The following GLIS1 variants were observed in gnomAD, a reference collection of about 807,000 sequenced individuals.
GLIS1 encodes the protein GLIS family zinc finger 1.
Under a neutral mutation model 63.8 loss-of-function variants are expected in GLIS1, and 24 were observed. That is an observed-to-expected ratio of 0.38 (90% CI 0.27 to 0.53). The LOEUF is 0.53. GLIS1 is among the 20% of genes least tolerant of loss of function. The probability of loss-of-function intolerance (pLI) is 0.85; values close to 1 mark genes in which losing one functional copy is unlikely to be tolerated. For synonymous variants in GLIS1, 450 were observed against 482.5 expected, an observed-to-expected ratio of 0.93 and a Z score of 0.88; for missense variants, 1,036 against 1,074.1, an observed-to-expected ratio of 0.96 and a Z score of 0.50.
chr1:53,596,770 G>A (rs1645259630), intron 3 of GLIS1, among the ~76,000 whole-genome samples: 1 of 152,122 alleles, frequency 6.6e-6, no homozygotes, highest in Non-Finnish European at 1.5e-5. Context: ...GAAGGGACAG[G>A]GCTCCCTGGA....
At chr1:53,530,077 A>G in intron 4 of GLIS1, 125 bp from the exon 5 acceptor site, 1 of 848,188 alleles carries the variant, frequency 1.2e-6, no homozygotes, top group Non-Finnish European at 1.8e-6. Context: ...GGAGCCTCTG[A>G]GAGCTCTGGA....
Position 53,506,520 on chromosome 1 carries a change from G to A in GLIS1, c.*99C>T. The A allele has an allele frequency of 7.7e-7, 1 of 1,293,750 alleles. No individual in the cohort carries two copies. The highest frequency in any genetic ancestry group is 1.3e-5 in the South Asian group (1 of 75,494). 80.1% of individuals were successfully genotyped at this position (1,293,750 alleles called of 1,614,324 possible). The stretch of plus-strand genomic sequence containing the variant: ...TCATGGCCTGGCTGTTCCGGCTGTG[G>A]CCTGGCACTCCTGCTAGGTGCACGG... On this transcript the variant is annotated 3_prime_UTR_variant, in exon 11 of 11. Coordinates refer to ENST00000628545, the MANE Select transcript of GLIS1 (RefSeq NM_001367484.1).
intron 4 of GLIS1, among the ~76,000 whole-genome samples, chr1:53,593,606 G>C (rs570493733): frequency 6.6e-6 from 1 of 152,174 alleles, no homozygotes; most frequent in Non-Finnish European, 1.5e-5. Context: ...CTCTCGAGCC[G>C]GGTGCCTGTT....
At chr1:53,704,732 G>C (rs985836578) in intron 2 of GLIS1, among the ~76,000 whole-genome samples, 58 of 152,224 alleles carry the variant, frequency 3.8e-4, no homozygotes, top group African/African-American at 1.4e-3. Context: ...TTTAGCCCCT[G>C]GCTCTGTGGG....
At chr1:53,563,739 C>T (rs1465268839) in intron 4 of GLIS1, among the ~76,000 whole-genome samples, 1 of 152,168 alleles carries the variant, frequency 6.6e-6, no homozygotes, top group East Asian at 1.9e-4. Flanking sequence ...AAGAAATCCA[C>T]ATTTACTCAC....
intron 2 of GLIS1, among the ~76,000 whole-genome samples, chr1:53,654,207 C>T (rs1460091936): frequency 6.6e-6 from 1 of 152,234 alleles, no homozygotes; most frequent in Admixed American, 6.5e-5. Context: ...TCCTCTGTGC[C>T]AGGCACGGTT....
chr1:53,546,992 C>T (rs902236415), intron 4 of GLIS1, among the ~76,000 whole-genome samples: 16 of 152,220 alleles, frequency 1.1e-4, no homozygotes, highest in African/African-American at 3.9e-4. Flanking sequence ...CCTGACTGGC[C>T]TCTTATTCCA....
At chr1:53,690,602 A>G (rs1212684106) in intron 2 of GLIS1, among the ~76,000 whole-genome samples, 1 of 152,238 alleles carries the variant, frequency 6.6e-6, no homozygotes, top group African/African-American at 2.4e-5. Context: ...GCTGTTCAGA[A>G]TGCCAGGGCC....
At chr1:53,529,349 C>T (rs1250282406) in intron 5 of GLIS1, among the ~76,000 whole-genome samples, 2 of 152,110 alleles carry the variant, frequency 1.3e-5, no homozygotes, top group African/African-American at 4.8e-5. Context: ...CCTGTGTCTA[C>T]GGAGGGGGCA....
chr1:53,697,321 G>A (rs1479133739), intron 2 of GLIS1, among the ~76,000 whole-genome samples: 1 of 152,200 alleles, frequency 6.6e-6, no homozygotes, highest in Non-Finnish European at 1.5e-5. Flanking sequence ...GGCATTCAAG[G>A]CCCTCTGAGG....
chr1:53,675,551 C>T (rs1366220209), intron 2 of GLIS1, among the ~76,000 whole-genome samples: 2 of 152,226 alleles, frequency 1.3e-5, no homozygotes, highest in Non-Finnish European at 2.9e-5. Flanking sequence ...CTCTCTCCCA[C>T]ACCTGTCTGG....
In GLIS1 at chr1:53,616,038, G is replaced by A. The variant is rs149504978; in HGVS notation, c.260-15760C>T. On this transcript the variant is annotated intron_variant, in intron 2 of 10. Transcript: ENST00000628545. ...GCTGGGATTACAGGCAAGAGCCACC[G>A]CACCCAGCTCTAAGGTAATACAATT... is the stretch of plus-strand genomic sequence containing the variant. Among the ~76,000 whole-genome samples the A allele has an allele frequency of 1.8e-3, 279 of 152,218 alleles. 2 individuals carry two copies. The highest frequency in any genetic ancestry group is 6.2e-3 in the African/African-American group (258 of 41,524).
chr1:53,664,107 C>T (rs187305469), intron 2 of GLIS1, among the ~76,000 whole-genome samples: 1 of 152,316 alleles, frequency 6.6e-6, no homozygotes, highest in Non-Finnish European at 1.5e-5. Flanking sequence ...CGAAAATAAC[C>T]CTGACAGGAT....
chr1:53,657,639 G>A, intron 2 of GLIS1, among the ~76,000 whole-genome samples: 1 of 152,136 alleles, frequency 6.6e-6, no homozygotes, highest in East Asian at 1.9e-4. Flanking sequence ...ACCGGGTCCA[G>A]CCCAGCCTTC....
intron 7 of GLIS1, among the ~76,000 whole-genome samples, chr1:53,517,679 C>T (rs1411963603): frequency 6.6e-6 from 1 of 152,116 alleles, no homozygotes; most frequent in Non-Finnish European, 1.5e-5. Context: ...GAACTGGTCC[C>T]TACTTGAGGG....
chr1:53,733,709 C>T (rs1570118828), intron 2 of GLIS1, among the ~76,000 whole-genome samples: 1 of 152,312 alleles, frequency 6.6e-6, no homozygotes, highest in East Asian at 1.9e-4. Flanking sequence ...CACACACATA[C>T]TTGTTTCTCT....
intron 4 of GLIS1, among the ~76,000 whole-genome samples, chr1:53,547,549 AG>A (rs1644716388): frequency 6.6e-6 from 1 of 152,230 alleles, no homozygotes; most frequent in South Asian, 2.1e-4. Flanking sequence ...GCCCTGACCC[AG>A]GCAGGGCTCC....
intron 2 of GLIS1, among the ~76,000 whole-genome samples, chr1:53,713,731 C>T (rs1005089938): frequency 3.3e-5 from 5 of 152,336 alleles, no homozygotes; most frequent in Non-Finnish European, 7.3e-5. Context: ...CACTGCAACT[C>T]CAGCCTGGGT....
chr1:53,701,965 C>A (rs1307103712), intron 2 of GLIS1, among the ~76,000 whole-genome samples: 1 of 147,118 alleles, frequency 6.8e-6, no homozygotes, highest in Non-Finnish European at 1.5e-5. Flanking sequence ...TGCACTCTAG[C>A]CTGGGTGACA....
Sources: gnomAD v4.1 joint callset for allele counts (sites outside exome capture counted in the v4.1 genomes callset) on GRCh38, gnomAD v4.1.1 for gene constraint, MANE v1.5 for transcripts, NCBI Gene and HGNC (gene_info 2026-07-23, HGNC 2026-07-21) for gene names.